The following RASAL2 variants were observed in gnomAD, a reference collection of about 807,000 sequenced individuals.
The protein encoded by RASAL2 is ras GTPase-activating protein nGAP.
Under a neutral mutation model 128.9 loss-of-function variants are expected in RASAL2, and 58 were observed. The ratio of observed to expected loss-of-function variants is 0.45; its 90% CI spans 0.36 to 0.56. The LOEUF (loss-of-function observed/expected upper bound fraction) is 0.56. RASAL2 is among the 20% of genes least tolerant of loss of function. RASAL2 has a pLI of 0.00. For synonymous variants in RASAL2, 561 were observed against 580.8 expected (o/e 0.97, Z 0.49); for missense variants, 1,360 against 1,601.6 (o/e 0.85, Z 2.57).
chr1:178,435,937 A>T (rs1053865402), intron 5 of RASAL2, among the ~76,000 whole-genome samples: 2 of 152,026 alleles, frequency 1.3e-5, no homozygotes, highest in African/African-American at 4.8e-5. Context: ...CATTATTTTA[A>T]ACTCATTATT....
chr1:178,384,326 A>G (rs1177888194), intron 3 of RASAL2, among the ~76,000 whole-genome samples: 1 of 152,184 alleles, frequency 6.6e-6, no homozygotes, highest in African/African-American at 2.4e-5. Context: ...TTAAAGCTAT[A>G]AATATCTTTC....
chr1:178,303,508 G>A (rs551462497), intron 3 of RASAL2, among the ~76,000 whole-genome samples: 1 of 149,180 alleles, frequency 6.7e-6, no homozygotes, highest in South Asian at 2.3e-4. Flanking sequence ...TTTTAAGAAA[G>A]TTTAAGAATT....
chr1:178,420,465 T>G (rs369178413), intron 4 of RASAL2, 46 bp from the exon 5 acceptor site: 41 of 1,299,826 alleles, frequency 3.2e-5, no homozygotes, highest in Middle Eastern at 3.7e-4. Flanking sequence ...ACGAGTAACA[T>G]TCCCTTTTGG....
intron 4 of RASAL2, among the ~76,000 whole-genome samples, chr1:178,420,060 A>G (rs1675041174): frequency 6.6e-6 from 1 of 152,142 alleles, no homozygotes; most frequent in Non-Finnish European, 1.5e-5. Context: ...CCAATGCGCC[A>G]AGTACCTTCT....
intron 3 of RASAL2, among the ~76,000 whole-genome samples, chr1:178,322,195 TC>T (rs757826980): frequency 6.2e-4 from 94 of 152,202 alleles, no homozygotes; most frequent in Non-Finnish European, 4.7e-4. Context: ...ATGATCGACT[TC>T]CCTTTAAAGC....
intron 1 of RASAL2, among the ~76,000 whole-genome samples, chr1:178,128,545 G>A (rs1659983851): frequency 6.6e-6 from 1 of 152,076 alleles, no homozygotes; most frequent in African/African-American, 2.4e-5. Context: ...TTATTGAGGT[G>A]TAATTTATGT....
At chr1:178,197,241 A>G (rs1662689170) in intron 1 of RASAL2, among the ~76,000 whole-genome samples, 1 of 152,148 alleles carries the variant, frequency 6.6e-6, no homozygotes, top group Non-Finnish European at 1.5e-5. Flanking sequence ...GCAGATCACG[A>G]TGTCAGGAGT....
chr1:178,431,632 T>C (rs926821491), intron 5 of RASAL2, among the ~76,000 whole-genome samples: 4 of 152,004 alleles, frequency 2.6e-5, no homozygotes, highest in Non-Finnish European at 5.9e-5. Context: ...TAGTAAGATA[T>C]TCTGAATTTT....
chr1:178,352,159 C>T (rs1013060952), intron 3 of RASAL2, among the ~76,000 whole-genome samples: 6 of 151,980 alleles, frequency 3.9e-5, no homozygotes, highest in Admixed American at 1.3e-4. Context: ...TTTTAGCAAT[C>T]GAGAATTACT....
chr1:178,218,439 C>A (rs1400759727), intron 1 of RASAL2, among the ~76,000 whole-genome samples: 1 of 152,194 alleles, frequency 6.6e-6, no homozygotes, highest in Non-Finnish European at 1.5e-5. Flanking sequence ...GTAATCCCAG[C>A]ACTTTGGAAG....
intron 1 of RASAL2, among the ~76,000 whole-genome samples, chr1:178,274,256 T>C (rs1255124113): frequency 1.3e-5 from 2 of 152,166 alleles, no homozygotes; most frequent in African/African-American, 4.8e-5. Flanking sequence ...ATAGTGAAAT[T>C]AGTGTCTGAG....
At chr1:178,255,268 G>T (rs918292532) in intron 1 of RASAL2, among the ~76,000 whole-genome samples, 8 of 151,802 alleles carry the variant, frequency 5.3e-5, no homozygotes, top group African/African-American at 1.9e-4. Context: ...AAAAAACAAA[G>T]AGCTCCAGTA....
chr1:178,178,853 CGG>C (rs1553256717), intron 1 of RASAL2, among the ~76,000 whole-genome samples: 13 of 152,068 alleles, frequency 8.5e-5, no homozygotes, highest in Non-Finnish European at 1.3e-4. Flanking sequence ...CTAAAGGACC[CGG>C]CACCTCTACT....
chr1:178,224,843 A>AT (rs1251931673), intron 1 of RASAL2, among the ~76,000 whole-genome samples: 1 of 152,156 alleles, frequency 6.6e-6, no homozygotes, highest in Admixed American at 6.5e-5. Flanking sequence ...TGTTTCCCTA[A>AT]TAAACACATT....
At chr1:178,264,143 A>C (rs527300399) in intron 1 of RASAL2, among the ~76,000 whole-genome samples, 11 of 152,316 alleles carry the variant, frequency 7.2e-5, no homozygotes, top group Non-Finnish European at 2.9e-5. Context: ...TGATTGTTTA[A>C]GTTAAAGCAG....
At chr1:178,109,541 AT>A (rs1489510329) in intron 1 of RASAL2, among the ~76,000 whole-genome samples, 1 of 152,148 alleles carries the variant, frequency 6.6e-6, no homozygotes, top group East Asian at 1.9e-4. Context: ...CAGGGTTTGT[AT>A]TTCAAGGACT....
chr1:178,141,661 C>T (rs182755516), intron 1 of RASAL2, among the ~76,000 whole-genome samples: 20 of 152,204 alleles, frequency 1.3e-4, no homozygotes, highest in Non-Finnish European at 2.1e-4. Flanking sequence ...GAGATTTCCT[C>T]GGGAGGAGTG....
At chr1:178,426,191 G>A (rs1159712975) in intron 5 of RASAL2, among the ~76,000 whole-genome samples, 1 of 152,060 alleles carries the variant, frequency 6.6e-6, no homozygotes, top group Non-Finnish European at 1.5e-5. Flanking sequence ...ATAAAAACTT[G>A]TATGTGAATG....
intron 1 of RASAL2, among the ~76,000 whole-genome samples, chr1:178,188,497 G>T (rs566313079): frequency 1.3e-5 from 2 of 152,020 alleles, no homozygotes; most frequent in Admixed American, 1.3e-4. Flanking sequence ...TTTATAGGAG[G>T]GCAAGTTCAG....
Sources: gnomAD v4.1 joint callset for allele counts (sites outside exome capture counted in the v4.1 genomes callset) on GRCh38, gnomAD v4.1.1 for gene constraint, MANE v1.5 for transcripts, NCBI Gene and HGNC (gene_info 2026-07-23, HGNC 2026-07-21) for gene names.